The following MTAP variants were observed in gnomAD, a reference collection of about 807,000 sequenced individuals.
MTAP encodes the protein methylthioadenosine phosphorylase, also known as S-methyl-5'-thioadenosine phosphorylase.
A neutral mutation model predicts 33.6 loss-of-function variants in MTAP; 33 were observed. The observed-to-expected ratio is 0.98, with a 90% CI of 0.74 to 1.31. The LOEUF (loss-of-function observed/expected upper bound fraction) is 1.31. MTAP is among the 40% of genes most tolerant of loss of function. The pLI, the probability that MTAP is intolerant of heterozygous loss-of-function variation, is 0.00. For synonymous variants in MTAP, 148 were observed against 125.7 expected, an observed-to-expected ratio of 1.18 and a Z score of -1.19; for missense variants, 367 against 360.0, an observed-to-expected ratio of 1.02 and a Z score of -0.16.
At chr9:21,931,236 CCT>C, downstream of MTAP, 1 of 653,536 alleles carries the variant, frequency 1.5e-6, no homozygotes, top group Non-Finnish European at 2.8e-6. Context: ...CACCATCACA[CCT>C]CTGTCAGCAG....
chr9:21,847,631 G>A (rs1480123493), intron 5 of MTAP, among the ~76,000 whole-genome samples: 3 of 152,196 alleles, frequency 2.0e-5, no homozygotes, highest in Non-Finnish European at 4.4e-5. Flanking sequence ...GACCATATAT[G>A]GAGGACCAGG....
chr9:21,851,973 G>A (rs1825522758), intron 5 of MTAP, among the ~76,000 whole-genome samples: 1 of 152,104 alleles, frequency 6.6e-6, no homozygotes, highest in Admixed American at 6.6e-5. Context: ...GGGACCTTGT[G>A]ATCATGTGAG....
At chr9:21,816,011 T>C (rs973228755) in intron 2 of MTAP, among the ~76,000 whole-genome samples, 2 of 152,210 alleles carry the variant, frequency 1.3e-5, no homozygotes, top group African/African-American at 4.8e-5. Flanking sequence ...AAAATGCTCC[T>C]CCTTTTATAG....
chr9:21,804,470 A>C (rs890832644), intron 1 of MTAP, among the ~76,000 whole-genome samples: 1 of 152,220 alleles, frequency 6.6e-6, no homozygotes, highest in African/African-American at 2.4e-5. Context: ...TAAATATTGA[A>C]TAGTGTGTAT....
intron 4 of MTAP, among the ~76,000 whole-genome samples, chr9:21,834,429 G>A (rs1452466672): frequency 6.6e-6 from 1 of 152,210 alleles, no homozygotes; most frequent in African/African-American, 2.4e-5. Context: ...AAAGCAAGAG[G>A]AAGAAGCAGA....
rs1159269445 is a variant in MTAP at position 21,864,195 on chromosome 9, T to A, written c.*2181T>A. 1 of 985,320 alleles carries A rather than the reference T, an allele frequency of 1.0e-6. No individual in the cohort carries two copies. The highest frequency in any genetic ancestry group is 1.2e-6 in the Non-Finnish European group (1 of 829,930). 61.0% of individuals were successfully genotyped at this position (985,320 alleles called of 1,614,324 possible). A position where few individuals can be genotyped will look rare whatever the true frequency, so the allele number is the denominator to read the frequency against. ...AAATAGCCTTCTCTAGCAACATCAT[T>A]TTCAGACTAACTAAATGAATGCAGT... On this transcript the variant is annotated 3_prime_UTR_variant, in exon 8 of 8. Coordinates refer to ENST00000644715, the MANE Select transcript of MTAP (RefSeq NM_002451.4).
At chr9:21,816,647 A>T (rs7023474) in intron 2 of MTAP, 67 bp from the exon 3 acceptor site, 24 of 1,413,378 alleles carry the variant, frequency 1.7e-5, no homozygotes, top group Non-Finnish European at 2.3e-5. Context: ...GTTGTGGTTG[A>T]ACAATTATAA....
chr9:21,920,281 A>G (rs1818766844), intron 1 of MTAP, among the ~76,000 whole-genome samples: 5 of 152,184 alleles, frequency 3.3e-5, no homozygotes, highest in Admixed American at 3.3e-4. Context: ...GAGTATAAAT[A>G]AACAGTGCCC....
chr9:21,894,211 T>TAAAAAAAAA (rs60193324), intron 1 of MTAP, among the ~76,000 whole-genome samples: 1 of 129,738 alleles, frequency 7.7e-6, no homozygotes, highest in African/African-American at 2.9e-5. Flanking sequence ...CCTTTCATGT[T>TAAAAAAAAA]AAAAAAAAAA....
Position 21,864,719 on chromosome 9 carries a change from A to G in MTAP, c.*2705A>G. 1 of 985,390 alleles carries G rather than the reference A, an allele frequency of 1.0e-6. No individual in the cohort carries two copies. Among genetic ancestry groups the G allele is most frequent in the Non-Finnish European group, 1.2e-6 (1 of 829,962 alleles). The allele number at this position is 985,390 out of a possible 1,614,324, so 61.0% of individuals were successfully genotyped here. A position where few individuals can be genotyped will look rare whatever the true frequency, so the allele number is the denominator to read the frequency against. ...GAAACTCTGGTACGGTGGCACCCTC[A>G]GGAGTGGAGGACAGTGAACTTCCTT... On this transcript the variant is annotated 3_prime_UTR_variant, in exon 8 of 8. Coordinates refer to ENST00000644715, the MANE Select transcript of MTAP (RefSeq NM_002451.4).
chr9:21,858,635 C>T (rs1825687534), intron 6 of MTAP, among the ~76,000 whole-genome samples: 1 of 152,164 alleles, frequency 6.6e-6, no homozygotes, highest in Admixed American at 6.5e-5. Context: ...GTGAGAAATC[C>T]AACCCCATGA....
Position 21,802,685 on chromosome 9 carries a change from G to A in MTAP, c.-64G>A, listed in dbSNP as rs879331329. On this transcript the variant is annotated 5_prime_UTR_variant, in exon 1 of 8. The change creates a new upstream start codon in the 5' untranslated region. Coordinates refer to ENST00000644715, the MANE Select transcript of MTAP (RefSeq NM_002451.4). ...GTGAGGTTGGCACAGCCACCGCTCT[G>A]TGGCTCGCTTGGTTCCCTTAGTCCC... 31 of 1,573,382 alleles carry A rather than the reference G, an allele frequency of 2.0e-5. No homozygotes were observed. The highest frequency in any genetic ancestry group is 2.6e-5 in the Non-Finnish European group (30 of 1,159,644).
chr9:21,910,267 C>T (rs954974047), intron 1 of MTAP, among the ~76,000 whole-genome samples: 19 of 151,342 alleles, frequency 1.3e-4, no homozygotes, highest in Non-Finnish European at 1.6e-4. Flanking sequence ...AAGATTCACA[C>T]CATTAAAGAG....
chr9:21,878,955 G>T (rs1743360845), intron 1 of MTAP, among the ~76,000 whole-genome samples: 1 of 152,208 alleles, frequency 6.6e-6, no homozygotes, highest in South Asian at 2.1e-4. Flanking sequence ...CGCATTTGCT[G>T]AGGATTGTTT....
At chr9:21,842,706 G>A (rs1825281675) in intron 5 of MTAP, among the ~76,000 whole-genome samples, 1 of 152,150 alleles carries the variant, frequency 6.6e-6, no homozygotes, top group African/African-American at 2.4e-5. Context: ...ACAAACAAAT[G>A]CTGAGAGAAT....
chr9:21,898,515 A>T (rs965443959), intron 1 of MTAP, among the ~76,000 whole-genome samples: 6 of 152,172 alleles, frequency 3.9e-5, no homozygotes, highest in South Asian at 2.1e-4. Context: ...GAATCTACAA[A>T]GAACTTAAAC....
At chr9:21,812,611 C>T (rs1458260211) in intron 1 of MTAP, among the ~76,000 whole-genome samples, 2 of 152,170 alleles carry the variant, frequency 1.3e-5, no homozygotes, top group Non-Finnish European at 2.9e-5. Context: ...GTCATTGTTT[C>T]CTGAGGGTGG....
intron 4 of MTAP, 22 bp downstream of exon 4, chr9:21,818,224 T>G (rs1181477183): frequency 6.2e-7 from 1 of 1,609,970 alleles, no homozygotes; most frequent in African/African-American, 1.3e-5. Flanking sequence ...TACAAAATGC[T>G]TTAGGCTATT....
In MTAP at chr9:21,906,106, G is replaced by C. The variant is rs192216642; in HGVS notation, c.148-24902G>C. Among the ~76,000 whole-genome samples the C allele has an allele frequency of 2.6e-5, 4 of 152,250 alleles. No individual in the cohort carries two copies. In the East Asian group the frequency reaches 7.7e-4, roughly 29 times the overall value. On this transcript the variant is annotated intron_variant, in intron 1 of 1. Coordinates refer to the MTAP transcript ENST00000577563. ...TTCACCTAAAACCCAGACTACACAA[G>C]ATTTCTATAGGTAAAACACTTCTTA... is the stretch of plus-strand genomic sequence containing the variant.
Sources: gnomAD v4.1 joint callset for allele counts (sites outside exome capture counted in the v4.1 genomes callset) on GRCh38, gnomAD v4.1.1 for gene constraint, MANE v1.5 for transcripts, NCBI Gene and HGNC (gene_info 2026-07-23, HGNC 2026-07-21) for gene names.